PDE7B: variants seen among roughly 807,000 people sequenced by gnomAD.
PDE7B encodes 3',5'-cyclic-AMP phosphodiesterase 7B.
Under a neutral mutation model 56.2 loss-of-function variants are expected in PDE7B, and 29 were observed. That is an observed-to-expected ratio of 0.52 (90% CI 0.38 to 0.70). PDE7B has a LOEUF of 0.70. Among genes scored for constraint, PDE7B ranks in the 30% least tolerant of loss-of-function variants. The pLI, the probability that PDE7B is intolerant of heterozygous loss-of-function variation, is 0.00. For synonymous variants in PDE7B, 197 were observed against 196.9 expected, an observed-to-expected ratio of 1.00 and a Z score of 0.00; for missense variants, 490 against 565.0, an observed-to-expected ratio of 0.87 and a Z score of 1.35.
At chr6:136,033,852 T>C (rs1190309840) in intron 2 of PDE7B, among the ~76,000 whole-genome samples, 1 of 151,258 alleles carries the variant, frequency 6.6e-6, no homozygotes, top group Admixed American at 6.6e-5. Flanking sequence ...TTTTTTGAAT[T>C]GCATTTGTAA....
At chr6:135,923,560 G>T (rs889361473) in intron 1 of PDE7B, among the ~76,000 whole-genome samples, 11 of 152,112 alleles carry the variant, frequency 7.2e-5, no homozygotes, top group African/African-American at 2.7e-4. Flanking sequence ...AAAAAAGTAG[G>T]TTATACCAAT....
At chr6:136,173,759 T>G in intron 8 of PDE7B, 38 bp from the exon 9 acceptor site, 7 of 1,294,212 alleles carry the variant, frequency 5.4e-6, no homozygotes, top group Non-Finnish European at 7.8e-6. Context: ...GTATCTGGCT[T>G]CCCTCTCATT....
intron 12 of PDE7B, among the ~76,000 whole-genome samples, chr6:136,188,052 G>T (rs1289629489): frequency 6.6e-6 from 1 of 152,144 alleles, no homozygotes; most frequent in Admixed American, 6.5e-5. Context: ...CTTTGACATT[G>T]GTAGGGAAGG....
rs191521141 is a variant in PDE7B, at chr6:136,128,959, C to T, written c.167-18392C>T. Among the ~76,000 whole-genome samples the T allele has an allele frequency of 4.5e-4, 69 of 152,284 alleles. 1 individual carries two copies. The highest frequency in any genetic ancestry group is 8.5e-4 in the Non-Finnish European group (58 of 68,030). On this transcript the variant is annotated intron_variant, in intron 3 of 12. Coordinates refer to ENST00000308191, the MANE Select transcript of PDE7B (RefSeq NM_018945.4). ...CCCAAGCTTTAGACTGTTCCTTCTG[C>T]CCCCTTCCATCAGAACTTATCCATC...
At chr6:136,013,806 G>A (rs957786772) in intron 2 of PDE7B, among the ~76,000 whole-genome samples, 4 of 152,180 alleles carry the variant, frequency 2.6e-5, no homozygotes, top group African/African-American at 4.8e-5. Flanking sequence ...TGTACTTTTC[G>A]TGTGCATTAA....
chr6:135,902,101 G>A (rs1204997967), intron 1 of PDE7B, among the ~76,000 whole-genome samples: 3 of 152,122 alleles, frequency 2.0e-5, no homozygotes, highest in Admixed American at 2.0e-4. Context: ...TGCAAATGTG[G>A]CTCTCAGAAT....
chr6:135,877,358 C>CTTTTTTTTTTTTTTTTTT (rs11302793), intron 1 of PDE7B, among the ~76,000 whole-genome samples: 1 of 126,948 alleles, frequency 7.9e-6, no homozygotes. Flanking sequence ...TTACACATTC[C>CTTTTTTTTTTTTTTTTTT]TTTTTTTTTT....
At chr6:135,932,345 G>A (rs1228076477) in intron 1 of PDE7B, among the ~76,000 whole-genome samples, 2 of 152,010 alleles carry the variant, frequency 1.3e-5, no homozygotes, top group Non-Finnish European at 2.9e-5. Context: ...AATGCTTGAG[G>A]GGATGAATAC....
chr6:136,171,520 G>A (rs1778880488), intron 8 of PDE7B, among the ~76,000 whole-genome samples: 1 of 152,174 alleles, frequency 6.6e-6, no homozygotes, highest in South Asian at 2.1e-4. Flanking sequence ...GGTCAGTGCA[G>A]TAGATTAGAC....
At chr6:136,187,731 T>C (rs1202968898) in intron 12 of PDE7B, among the ~76,000 whole-genome samples, 1 of 152,242 alleles carries the variant, frequency 6.6e-6, no homozygotes, top group Non-Finnish European at 1.5e-5. Context: ...TCTAATTAAG[T>C]TATGCATTAG....
intron 2 of PDE7B, among the ~76,000 whole-genome samples, chr6:136,104,544 G>A (rs1777616288): frequency 1.3e-5 from 2 of 152,098 alleles, no homozygotes; most frequent in Non-Finnish European, 2.9e-5. Context: ...TCCCACCAGC[G>A]TATTAAAGCA....
intron 2 of PDE7B, among the ~76,000 whole-genome samples, chr6:135,958,118 G>T (rs1228808697): frequency 6.6e-6 from 1 of 152,100 alleles, no homozygotes; most frequent in Admixed American, 6.5e-5. Context: ...TGTAATCCCA[G>T]CTACTCAGGA....
intron 3 of PDE7B, among the ~76,000 whole-genome samples, chr6:136,139,974 A>C (rs1185980430): frequency 6.6e-6 from 1 of 152,166 alleles, no homozygotes; most frequent in Non-Finnish European, 1.5e-5. Context: ...CTTTAGTTTA[A>C]TTAGATCCCA....
intron 3 of PDE7B, among the ~76,000 whole-genome samples, chr6:136,142,746 C>CA (rs1346573770): frequency 6.6e-6 from 1 of 152,058 alleles, no homozygotes; most frequent in Non-Finnish European, 1.5e-5. Flanking sequence ...GGTTTAAAGT[C>CA]TTTTTTATCA....
At chr6:136,190,746 A>C (rs2128452716) in intron 12 of PDE7B, among the ~76,000 whole-genome samples, 1 of 152,360 alleles carries the variant, frequency 6.6e-6, no homozygotes, top group African/African-American at 2.4e-5. Context: ...CAAACAAAGA[A>C]GTCTCATATC....
At chr6:135,967,276 G>A (rs190266006) in intron 2 of PDE7B, among the ~76,000 whole-genome samples, 1 of 152,040 alleles carries the variant, frequency 6.6e-6, no homozygotes, top group Admixed American at 6.6e-5. Flanking sequence ...CCAACAACCC[G>A]CTATGTAACC....
chr6:135,930,774 C>T (rs185792351), intron 1 of PDE7B, among the ~76,000 whole-genome samples: 16 of 152,224 alleles, frequency 1.1e-4, no homozygotes, highest in African/African-American at 2.9e-4. Context: ...ATTCAGCTTC[C>T]GTATATCTTA....
Position 136,066,953 on chromosome 6 carries a change from G to A in PDE7B, c.83-41778G>A, listed in dbSNP as rs143682009. On this transcript the variant is annotated intron_variant, in intron 2 of 12. Coordinates refer to ENST00000308191, the MANE Select transcript of PDE7B (RefSeq NM_018945.4). ...TCACTGCAGCCTAGAACTCCTGGCC[G>A]CAAGTGATCCTCCCATCTCAGCCTC... is the stretch of plus-strand genomic sequence containing the variant. Among the ~76,000 whole-genome samples, 86 of 151,238 alleles carry A rather than the reference G, an allele frequency of 5.7e-4. 2 individuals carry two copies. In the East Asian group the frequency reaches 0.015, roughly 26 times the overall value.
intron 1 of PDE7B, among the ~76,000 whole-genome samples, chr6:135,860,255 C>A (rs1005095613): frequency 3.9e-5 from 6 of 151,968 alleles, no homozygotes; most frequent in Non-Finnish European, 7.4e-5. Context: ...CAGCTTTTTG[C>A]TGACAGTTTT....
Sources: gnomAD v4.1 joint callset for allele counts (sites outside exome capture counted in the v4.1 genomes callset) on GRCh38, gnomAD v4.1.1 for gene constraint, MANE v1.5 for transcripts, NCBI Gene and HGNC (gene_info 2026-07-23, HGNC 2026-07-21) for gene names.